Variants in GALNT18 observed in about 807,000 individuals in gnomAD.
GALNT18 encodes the protein polypeptide N-acetylgalactosaminyltransferase 18.
A neutral mutation model predicts 69.5 loss-of-function variants in GALNT18; 44 were observed. The observed-to-expected ratio is 0.63, with a 90% CI of 0.50 to 0.81. The LOEUF is 0.81. Ranked by LOEUF, GALNT18 falls within the 40% of genes least tolerant of loss-of-function variation. The pLI is 0.00. For missense variants in GALNT18, 715 were observed against 810.0 expected (o/e 0.88, Z 1.42); for synonymous variants, 364 against 318.2 (o/e 1.14, Z -1.53).
intron 9 of GALNT18, among the ~76,000 whole-genome samples, chr11:11,304,280 C>T (rs1298353208): frequency 6.6e-6 from 1 of 152,188 alleles, no homozygotes; most frequent in African/African-American, 2.4e-5. Context: ...AACATTCACC[C>T]TTTGTCTTTA....
intron 2 of GALNT18, among the ~76,000 whole-genome samples, chr11:11,446,184 G>T (rs1418608999): frequency 1.3e-5 from 2 of 152,174 alleles, no homozygotes; most frequent in South Asian, 2.1e-4. Flanking sequence ...ACTCAAACCG[G>T]AAGAATCTAC....
chr11:11,521,961 C>T (rs992269522), intron 1 of GALNT18, among the ~76,000 whole-genome samples: 1 of 152,142 alleles, frequency 6.6e-6, no homozygotes, highest in South Asian at 2.1e-4. Context: ...CCCAGAGAGG[C>T]CACTGTCAAG....
intron 10 of GALNT18, among the ~76,000 whole-genome samples, chr11:11,274,367 G>A (rs1166265745): frequency 2.0e-5 from 3 of 152,182 alleles, no homozygotes; most frequent in African/African-American, 7.2e-5. Context: ...TGGAAAGGGG[G>A]CTGAAGCCAG....
In GALNT18 at chr11:11,586,835, A is replaced by ACACACACAC. The variant is rs201763974; in HGVS notation, c.235+34523_235+34524insGTGTGTGTG. ...CTAAAAACACACACACACACACACA[A>ACACACACAC]AAAAAAGCCAGGTGTGGTGGCGGGC... On this transcript the variant is annotated intron_variant, in intron 1 of 10. Coordinates refer to ENST00000227756, the MANE Select transcript of GALNT18 (RefSeq NM_198516.3). This position sits in a 1 kb window ranked among gnomAD's most constrained non-coding sequence, Gnocchi z 4.1. 1.5e-5 allele frequency among the ~76,000 whole-genome samples: 1 copy of ACACACACAC among 65,654 alleles called. No individual in the cohort carries two copies. The highest frequency in any genetic ancestry group is 3.9e-5 in the African/African-American group (1 of 25,406). 43.1% of individuals were successfully genotyped at this position (65,654 alleles called of 152,430 possible).
At position 11,402,212 on chromosome 11, in the gene GALNT18, C is replaced by G. The variant is rs1222719008; in HGVS notation, c.596-22948G>C. On this transcript the variant is annotated intron_variant, in intron 3 of 10. Coordinates refer to ENST00000227756, the MANE Select transcript of GALNT18 (RefSeq NM_198516.3). This position sits in a 1 kb window ranked among gnomAD's most constrained non-coding sequence, Gnocchi z 4.0. ...GGTTTATTTTCTGTCACCTTGGGAA[C>G]GCTACCCTTCAGAGTGTTTATAGAA... 6.6e-6 allele frequency among the ~76,000 whole-genome samples: 1 copy of G among 152,196 alleles called. No homozygotes were observed. Among genetic ancestry groups the G allele is most frequent in the Admixed American group, 6.5e-5 (1 of 15,288 alleles).
Position 11,555,042 on chromosome 11 carries a change from C to T in GALNT18, c.235+66317G>A, listed in dbSNP as rs1484241919. Among the ~76,000 whole-genome samples, 3 of 152,214 alleles carry T rather than the reference C, an allele frequency of 2.0e-5. No individual in the cohort carries two copies. The highest frequency in any genetic ancestry group is 4.4e-5 in the Non-Finnish European group (3 of 68,038). On this transcript the variant is annotated intron_variant, in intron 1 of 10. Coordinates refer to ENST00000227756, the MANE Select transcript of GALNT18 (RefSeq NM_198516.3). The surrounding 1 kb of genome is among the most constrained non-coding windows in gnomAD (Gnocchi z 4.7). ...GAGATTGTGGTCTCACTAAATCTTA[C>T]CAACAACCCAATAAAGTGTCTATCA...
rs1371012633 is a variant in GALNT18 at position 11,509,458 on chromosome 11, T to A, written c.236-60522A>T. 2.0e-5 allele frequency among the ~76,000 whole-genome samples: 3 copies of A among 152,306 alleles called. No individual in the cohort carries two copies. In the East Asian group the frequency reaches 5.8e-4, roughly 29 times the overall value. On this transcript the variant is annotated intron_variant, in intron 1 of 10. Coordinates refer to ENST00000227756, the MANE Select transcript of GALNT18 (RefSeq NM_198516.3). ...ACTGTGATTCTTAGGACCCAATACATCTTAATCTAGCCTTGGGTGAAAACT... is the reference window on the plus strand; with the variant it reads ...ACTGTGATTCTTAGGACCCAATACAACTTAATCTAGCCTTGGGTGAAAACT...
rs1358692960 is a variant in GALNT18, at chr11:11,570,872, CT to C, written c.235+50486del. On this transcript the variant is annotated intron_variant, in intron 1 of 10. Transcript: ENST00000227756. ...TAATTTACTTGCCTGTAAAGAGTTACTCTCCAAATTATCCCCACATCTTCCC... is the reference window on the plus strand; with the variant it reads ...TAATTTACTTGCCTGTAAAGAGTTACCTCCAAATTATCCCCACATCTTCCC... 3.9e-5 allele frequency among the ~76,000 whole-genome samples: 6 copies of C among 152,334 alleles called. No individual in the cohort carries two copies. The South Asian group carries it at 1.0e-3, about 26-fold the overall frequency.
chr11:11,557,851 T>C (rs1858369386), intron 1 of GALNT18, among the ~76,000 whole-genome samples: 1 of 152,186 alleles, frequency 6.6e-6, no homozygotes, highest in African/African-American at 2.4e-5. Flanking sequence ...TACCTGGTGA[T>C]CACAGCTGGT....
intron 1 of GALNT18, among the ~76,000 whole-genome samples, chr11:11,503,124 G>A (rs1857006087): frequency 6.6e-6 from 1 of 152,206 alleles, no homozygotes; most frequent in African/African-American, 2.4e-5. Flanking sequence ...CCACCCCTGA[G>A]GAAGTAGACG....
Position 11,293,167 on chromosome 11 carries a change from C to G in GALNT18, c.1539G>C (p.Gln513His). ...PQNVYYTSSQ[Q>H]IHVGILSPTV... ...TGGGGCTCAGAATGCCCACATGGAT[C>G]TGCTGACTGCTCGTGTAGTACACGT... The change falls in exon 10 of 11, where the codon CAG becomes CAC. Residue 513 changes from glutamine (Q) to histidine (H), a missense_variant. Coordinates refer to ENST00000227756, the MANE Select transcript of GALNT18 (RefSeq NM_198516.3). The G allele has an allele frequency of 7.5e-7, 1 of 1,341,820 alleles. No individual in the cohort carries two copies. The highest frequency in any genetic ancestry group is 9.6e-7 in the Non-Finnish European group (1 of 1,036,422). The allele number at this position is 1,341,820 out of a possible 1,614,324, so 83.1% of individuals were successfully genotyped here.
intron 2 of GALNT18, among the ~76,000 whole-genome samples, chr11:11,441,365 T>G (rs1274929224): frequency 6.6e-6 from 1 of 152,176 alleles, no homozygotes; most frequent in Non-Finnish European, 1.5e-5. Context: ...TGTCCTTAAG[T>G]TGCCTTCATG....
In GALNT18 at chr11:11,439,580, G is replaced by A. The variant is rs77499284; in HGVS notation, c.429-6793C>T. ...TTTTATATGTGATCATTTAACAAAC[G>A]TCAGTGTCTCCACTAGACTATAAGC... On this transcript the variant is annotated intron_variant, in intron 2 of 10. Transcript: ENST00000227756. The surrounding 1 kb of genome is among the most constrained non-coding windows in gnomAD (Gnocchi z 4.4). Among the ~76,000 whole-genome samples the A allele has an allele frequency of 1.6e-4, 25 of 152,298 alleles. No individual in the cohort carries two copies. The highest frequency in any genetic ancestry group is 9.7e-4 in the East Asian group (5 of 5,178).
chr11:11,313,066 G>A (rs1483726881), intron 9 of GALNT18, among the ~76,000 whole-genome samples: 4 of 152,194 alleles, frequency 2.6e-5, no homozygotes, highest in African/African-American at 9.7e-5. Context: ...GGTCAGGAAA[G>A]ACTGCCCTAA....
chr11:11,379,052 C>A, intron 4 of GALNT18, 29 bp downstream of exon 4: 1 of 1,541,590 alleles, frequency 6.5e-7, no homozygotes, highest in Non-Finnish European at 8.7e-7. Context: ...CCCACTGGGA[C>A]TCCTCCTCCT....
At chr11:11,398,844 G>A (rs1854393431) in intron 3 of GALNT18, among the ~76,000 whole-genome samples, 1 of 152,166 alleles carries the variant, frequency 6.6e-6, no homozygotes, top group East Asian at 1.9e-4. Flanking sequence ...CAATGTCCCA[G>A]GCACATGAAA....
At chr11:11,433,722 C>T (rs898763471) in intron 2 of GALNT18, among the ~76,000 whole-genome samples, 1 of 152,222 alleles carries the variant, frequency 6.6e-6, no homozygotes, top group Non-Finnish European at 1.5e-5. Flanking sequence ...CCCTCCTCTG[C>T]AAGCATAGTC....
chr11:11,606,639 C>T lies in GALNT18; in HGVS notation c.235+14720G>A, dbSNP rs1859763959. Among the ~76,000 whole-genome samples, 1 of 152,132 alleles carries T rather than the reference C, an allele frequency of 6.6e-6. No individual in the cohort carries two copies. ...GTCAGCAGGCCAGGGAGAGGAGATC[C>T]CATCCAAGGGAGACCCTGAAAAGCT... On this transcript the variant is annotated intron_variant, in intron 1 of 10. Coordinates refer to ENST00000227756, the MANE Select transcript of GALNT18 (RefSeq NM_198516.3). The surrounding 1 kb of genome is among the most constrained non-coding windows in gnomAD (Gnocchi z 5.4).
At position 11,496,045 on chromosome 11, in the gene GALNT18, A is replaced by G. The variant is rs1856860629; in HGVS notation, c.236-47109T>C. ...GCATCCCTGTTACATGACTAAAGCA[A>G]CTGAGGCTCAGGAAGAACAAGTAAC... On this transcript the variant is annotated intron_variant, in intron 1 of 10. Coordinates refer to ENST00000227756, the MANE Select transcript of GALNT18 (RefSeq NM_198516.3). This position sits in a 1 kb window ranked among gnomAD's most constrained non-coding sequence, Gnocchi z 4.0. Among the ~76,000 whole-genome samples the G allele has an allele frequency of 6.6e-6, 1 of 152,244 alleles. No homozygotes were observed. The highest frequency in any genetic ancestry group is 1.5e-5 in the Non-Finnish European group (1 of 68,038).
Sources: gnomAD v4.1 joint callset for allele counts (sites outside exome capture counted in the v4.1 genomes callset) on GRCh38, gnomAD v4.1.1 for gene constraint, Gnocchi (gnomAD v3.1) non-coding constraint, MANE v1.5 for transcripts, NCBI Gene and HGNC (gene_info 2026-07-23, HGNC 2026-07-21) for gene names.